The following SHISAL2A variants were observed in gnomAD, a reference collection of about 807,000 sequenced individuals.
The protein encoded by SHISAL2A is shisa like 2A.
A neutral mutation model predicts 11.5 loss-of-function variants in SHISAL2A; 18 were observed. That is an observed-to-expected ratio of 1.57 (90% CI 1.08 to 2.33). The LOEUF is 2.33. Among genes scored for constraint, SHISAL2A ranks in the 30% most tolerant of loss-of-function variants. The pLI is 0.00. For missense variants in SHISAL2A, 261 were observed against 250.9 expected (o/e 1.04, Z -0.27); for synonymous variants, 94 against 99.6 (o/e 0.94, Z 0.34).
At chr1:52,655,452 C>CAAAAAAAAAAAAAAAAAAAAAAAAAAAA (rs11346128) in intron 2 of SHISAL2A, among the ~76,000 whole-genome samples, 2 of 40,130 alleles carry the variant, frequency 5.0e-5, no homozygotes, top group Non-Finnish European at 9.0e-5. Flanking sequence ...CCTGTATCTA[C>CAAAAAAAAAAAAAAAAAAAAAAAAAAAA]AAAAAAAAAA....
chr1:52,661,192 G>A (rs959184447), downstream of SHISAL2A, among the ~76,000 whole-genome samples: 3 of 152,160 alleles, frequency 2.0e-5, no homozygotes, highest in African/African-American at 7.2e-5. Flanking sequence ...TCTTTATCCC[G>A]AGGGCAAAAG....
chr1:52,667,984 G>A (rs573060469), intron 5 of SHISAL2A, among the ~76,000 whole-genome samples: 17 of 152,304 alleles, frequency 1.1e-4, no homozygotes, highest in Middle Eastern at 3.4e-3. Context: ...AAGTAACTGA[G>A]ATGGTCACCC....
In SHISAL2A at chr1:52,633,593, T is replaced by G; in HGVS notation, c.100T>G (p.Cys34Gly). 6.2e-7 allele frequency: 1 copy of G among 1,612,432 alleles called. No homozygotes were observed. Among genetic ancestry groups the G allele is most frequent in the Non-Finnish European group, 8.5e-7 (1 of 1,179,374 alleles). The stretch of plus-strand genomic sequence containing the variant: ...GGGCGAGGCGGCCGCTGTCTTCTGC[T>G]GCGGCTTCCGCGACCACAAGTACTG... ...PGGEAAAVFC[C>G]GFRDHKYCCD... Residue 34 changes from cysteine to glycine, a missense_variant, in exon 1 of 3, where the codon TGC (cysteine) becomes GGC (glycine). Physicochemically the swap from Cys to Gly is radical, Grantham distance 159. Coordinates refer to ENST00000517870, the MANE Select transcript of SHISAL2A (RefSeq NM_001042693.3). This position sits in a 1 kb window ranked among gnomAD's most constrained non-coding sequence, Gnocchi z 6.4.
At chr1:52,656,461 C>G (rs1009907354) in intron 2 of SHISAL2A, among the ~76,000 whole-genome samples, 1 of 152,214 alleles carries the variant, frequency 6.6e-6, no homozygotes, top group Admixed American at 6.5e-5. Context: ...CTTCTCCATA[C>G]TAGCTGTATG....
chr1:52,633,604 C>G lies in SHISAL2A; in HGVS notation c.111C>G (p.Arg37=), dbSNP rs202139774. The G allele has an allele frequency of 3.2e-3, 5,159 of 1,612,624 alleles. 13 individuals carry two copies. The highest frequency in any genetic ancestry group is 4.0e-3 in the Non-Finnish European group (4,672 of 1,179,432). ...EAAAVFCCGF[R]DHKYCCDDPH... ...CCGCTGTCTTCTGCTGCGGCTTCCG[C>G]GACCACAAGTACTGCTGCGACGACC... The change falls in exon 1 of 3, where the codon CGC becomes CGG. Residue 37 remains arginine (R), a synonymous_variant. Transcript: ENST00000517870. This position sits in a 1 kb window ranked among gnomAD's most constrained non-coding sequence, Gnocchi z 6.4.
chr1:52,661,160 T>TAA (rs1256076521), downstream of SHISAL2A, among the ~76,000 whole-genome samples: 1 of 152,126 alleles, frequency 6.6e-6, no homozygotes, highest in Non-Finnish European at 1.5e-5. Flanking sequence ...TCCTGAAGCC[T>TAA]TTGCCATATT....
chr1:52,663,447 T>C (rs269322), intron 4 of SHISAL2A, among the ~76,000 whole-genome samples: 40,610 of 152,138 alleles, frequency 0.27, 6,461 homozygotes, highest in Non-Finnish European at 0.36. Context: ...TTTGGTAGTT[T>C]AACTTCTTAT....
At chr1:52,643,104 A>G in intron 2 of SHISAL2A, 102 bp downstream of exon 2, 1 of 1,192,648 alleles carries the variant, frequency 8.4e-7, no homozygotes. Flanking sequence ...CCTCATGACT[A>G]TTCCTGGAAT....
intron 2 of SHISAL2A, among the ~76,000 whole-genome samples, chr1:52,644,960 T>C (rs1482591853): frequency 7.1e-6 from 1 of 141,652 alleles, no homozygotes; most frequent in Non-Finnish European, 1.5e-5. Flanking sequence ...GAGCTTGCAG[T>C]GAGCAGAAAT....
intron 2 of SHISAL2A, among the ~76,000 whole-genome samples, chr1:52,647,203 A>C (rs1306666977): frequency 1.3e-5 from 2 of 152,200 alleles, no homozygotes; most frequent in African/African-American, 4.8e-5. Context: ...AATGTTAATG[A>C]ATCAATAACA....
At chr1:52,643,902 G>T (rs1230648531) in intron 2 of SHISAL2A, among the ~76,000 whole-genome samples, 1 of 151,746 alleles carries the variant, frequency 6.6e-6, no homozygotes, top group Non-Finnish European at 1.5e-5. Flanking sequence ...GAGGGAGGGA[G>T]GGAGGGAAGG....
At chr1:52,645,017 CA>C (rs752980005) in intron 2 of SHISAL2A, among the ~76,000 whole-genome samples, 2,060 of 69,380 alleles carry the variant, frequency 0.03, 33 homozygotes, top group East Asian at 0.09. Flanking sequence ...ACTCTGTCTC[CA>C]AAAAAAAAAA....
intron 2 of SHISAL2A, among the ~76,000 whole-genome samples, chr1:52,650,315 C>T (rs911237800): frequency 4.6e-5 from 7 of 152,146 alleles, no homozygotes; most frequent in South Asian, 2.1e-4. Context: ...GGGGGACTGG[C>T]CACGGAGGTC....
intron 1 of SHISAL2A, among the ~76,000 whole-genome samples, chr1:52,637,950 T>G (rs1691273468): frequency 6.6e-6 from 1 of 152,116 alleles, no homozygotes; most frequent in African/African-American, 2.4e-5. Context: ...CACTGAAAGA[T>G]ATAACTCATT....
chr1:52,665,280 T>C (rs1558096485), intron 4 of SHISAL2A, among the ~76,000 whole-genome samples: 1 of 152,326 alleles, frequency 6.6e-6, no homozygotes, highest in East Asian at 1.9e-4. Flanking sequence ...AGGTCTGTAA[T>C]TGTGGAATCT....
chr1:52,654,575 G>A (rs1360621524), intron 2 of SHISAL2A, among the ~76,000 whole-genome samples: 1 of 152,096 alleles, frequency 6.6e-6, no homozygotes, highest in Non-Finnish European at 1.5e-5. Flanking sequence ...AATAAATGGT[G>A]TTAAAACAAC....
intron 2 of SHISAL2A, among the ~76,000 whole-genome samples, chr1:52,648,858 C>A (rs1441118940): frequency 6.7e-6 from 1 of 148,568 alleles, no homozygotes; most frequent in African/African-American, 2.5e-5. Flanking sequence ...CTAATTCCTA[C>A]TTTTCTGGCT....
chr1:52,651,555 T>G (rs1266750252), intron 2 of SHISAL2A, among the ~76,000 whole-genome samples: 1 of 151,668 alleles, frequency 6.6e-6, no homozygotes, highest in Non-Finnish European at 1.5e-5. Flanking sequence ...TTTGTTTTCT[T>G]TTTTTTTGAG....
intron 1 of SHISAL2A, among the ~76,000 whole-genome samples, chr1:52,638,252 C>A (rs1034352631): frequency 2.7e-4 from 39 of 141,888 alleles, no homozygotes; most frequent in African/African-American, 1.1e-3. Context: ...GAATGGTAGA[C>A]AGGGACAAAC....
Sources: allele counts gnomAD v4.1 joint callset (sites outside exome capture counted in the v4.1 genomes callset), GRCh38; gene constraint gnomAD v4.1.1; non-coding constraint Gnocchi (gnomAD v3.1); transcripts MANE v1.5; gene names NCBI Gene and HGNC (gene_info 2026-07-23, HGNC 2026-07-21).